CSMD1: variants seen among roughly 807,000 people sequenced by gnomAD.
CSMD1 encodes CUB and sushi domain-containing protein 1.
CSMD1 carries 213 observed loss-of-function variants against 417.5 expected under a neutral mutation model. The observed-to-expected ratio is 0.51, with a 90% CI of 0.46 to 0.57. The LOEUF (loss-of-function observed/expected upper bound fraction) is 0.57, where lower values mean the gene tolerates loss of function less well. Ranked by LOEUF, CSMD1 falls within the 20% of genes least tolerant of loss-of-function variation. The pLI, the probability that CSMD1 is intolerant of heterozygous loss-of-function variation, is 0.00. For synonymous variants in CSMD1, 2,862 were observed against 1,736.8 expected (o/e 1.65, Z -16.11); for missense variants, 6,923 against 4,529.7 (o/e 1.53, Z -15.17).
At chr8:3,575,123 A>C in intron 9 of CSMD1, 57 bp from the exon 10 acceptor site, 1 of 1,561,820 alleles carries the variant, frequency 6.4e-7, no homozygotes, top group Non-Finnish European at 8.7e-7. Context: ...TTTGGTAAAG[A>C]CATAACATTT....
At chr8:3,012,654 T>G (rs1808489399) in intron 52 of CSMD1, among the ~76,000 whole-genome samples, 1 of 152,222 alleles carries the variant, frequency 6.6e-6, no homozygotes, top group Non-Finnish European at 1.5e-5. Context: ...GAAGTTAATC[T>G]AAAGAACCAA....
chr8:3,896,953 G>A (rs559425448), intron 5 of CSMD1, among the ~76,000 whole-genome samples: 65 of 151,738 alleles, frequency 4.3e-4, no homozygotes, highest in Non-Finnish European at 7.8e-4. Context: ...TACCCCTAAT[G>A]AAATCTGCTT....
chr8:3,262,539 G>GA (rs776200645), intron 26 of CSMD1, among the ~76,000 whole-genome samples: 1,918 of 142,088 alleles, frequency 0.013, 19 homozygotes, highest in Non-Finnish European at 0.021. Flanking sequence ...CGGGCCAAAT[G>GA]AAAAAAAAAA....
At chr8:4,060,291 T>A (rs1004432947) in intron 3 of CSMD1, among the ~76,000 whole-genome samples, 5 of 152,140 alleles carry the variant, frequency 3.3e-5, no homozygotes, top group Non-Finnish European at 5.9e-5. Context: ...ATGGGACGTA[T>A]CTCAGAATAA....
At chr8:4,114,522 T>A (rs939847266) in intron 3 of CSMD1, among the ~76,000 whole-genome samples, 3 of 151,168 alleles carry the variant, frequency 2.0e-5, no homozygotes, top group African/African-American at 4.9e-5. Flanking sequence ...AGCCCATGGA[T>A]CAAGGAATAA....
chr8:3,547,560 G>T (rs1430982900), intron 10 of CSMD1, among the ~76,000 whole-genome samples: 1 of 152,076 alleles, frequency 6.6e-6, no homozygotes, highest in African/African-American at 2.4e-5. Context: ...ATACAAAATT[G>T]AGTTTTAGGC....
At chr8:3,628,550 T>C (rs1796606134) in intron 7 of CSMD1, among the ~76,000 whole-genome samples, 1 of 152,154 alleles carries the variant, frequency 6.6e-6, no homozygotes, top group Admixed American at 6.5e-5. Flanking sequence ...CCAGAGCTGG[T>C]TGGATGCCAC....
At chr8:3,458,673 T>C (rs1180370974) in intron 12 of CSMD1, among the ~76,000 whole-genome samples, 4 of 152,338 alleles carry the variant, frequency 2.6e-5, no homozygotes, top group South Asian at 4.1e-4. Context: ...ATAGCAACAA[T>C]GAACACATAT....
At chr8:4,464,762 C>T (rs1800055527) in intron 2 of CSMD1, among the ~76,000 whole-genome samples, 1 of 152,128 alleles carries the variant, frequency 6.6e-6, no homozygotes, top group Admixed American at 6.5e-5. Context: ...AAGGCGAGTC[C>T]TGCTGAGTGG....
chr8:4,570,318 T>A (rs1392873233), intron 2 of CSMD1, among the ~76,000 whole-genome samples: 3 of 152,222 alleles, frequency 2.0e-5, no homozygotes, highest in Admixed American at 2.0e-4. Flanking sequence ...GTTCCGTCAA[T>A]ACCTAGTTTA....
At chr8:3,798,954 G>C (rs1023178826) in intron 5 of CSMD1, among the ~76,000 whole-genome samples, 3 of 151,884 alleles carry the variant, frequency 2.0e-5, no homozygotes, top group African/African-American at 4.8e-5. Context: ...AAACTCTTTA[G>C]TAGATCCATT....
At chr8:3,527,507 G>C (rs1488602845) in intron 10 of CSMD1, among the ~76,000 whole-genome samples, 1 of 152,122 alleles carries the variant, frequency 6.6e-6, no homozygotes, top group East Asian at 1.9e-4. Flanking sequence ...AGGTCTGCCT[G>C]GTGAGGGAGC....
At chr8:4,852,359 G>C (rs1223692652) in intron 1 of CSMD1, among the ~76,000 whole-genome samples, 7 of 152,066 alleles carry the variant, frequency 4.6e-5, no homozygotes. Flanking sequence ...GCAACATCTG[G>C]TTGTTTAAAA....
chr8:3,620,169 G>C (rs1202437947), intron 7 of CSMD1, among the ~76,000 whole-genome samples: 1 of 152,110 alleles, frequency 6.6e-6, no homozygotes, highest in Admixed American at 6.6e-5. Context: ...AAAAATGTCA[G>C]CTGAAAATTC....
intron 23 of CSMD1, among the ~76,000 whole-genome samples, chr8:3,309,627 G>C (rs1018069519): frequency 2.7e-5 from 4 of 149,510 alleles, no homozygotes; most frequent in African/African-American, 9.7e-5. Context: ...AATTGTAAAA[G>C]GGAGAGCTGG....
At chr8:3,499,036 CT>C (rs751540408) in intron 10 of CSMD1, among the ~76,000 whole-genome samples, 44 of 152,092 alleles carry the variant, frequency 2.9e-4, no homozygotes, top group Admixed American at 6.6e-4. Context: ...ATTTTGTTCC[CT>C]TGGGGGTGTC....
At chr8:4,741,175 G>T (rs756629609) in intron 1 of CSMD1, among the ~76,000 whole-genome samples, 1 of 151,864 alleles carries the variant, frequency 6.6e-6, no homozygotes, top group African/African-American at 2.4e-5. Flanking sequence ...AGACACTTAT[G>T]TAAGTGTCAG....
At position 4,688,426 on chromosome 8, in the gene CSMD1, G is replaced by C. The variant is rs117559672; in HGVS notation, c.86-50868C>G. On this transcript the variant is annotated intron_variant, in intron 1 of 69. Transcript: ENST00000635120. ...TCTGACACCTGCTATACCAAACCAA[G>C]AAGGGTGAGCCATCTCCCCGGGTCC... Among the ~76,000 whole-genome samples the C allele has an allele frequency of 4.1e-3, 630 of 152,226 alleles. 4 individuals are homozygous for C. Among genetic ancestry groups the C allele is most frequent in the Admixed American group, 7.1e-3 (109 of 15,296 alleles).
intron 51 of CSMD1, among the ~76,000 whole-genome samples, chr8:3,024,691 A>G (rs1008286727): frequency 1.3e-5 from 2 of 152,196 alleles, no homozygotes; most frequent in African/African-American, 2.4e-5. Context: ...TCACCACCAC[A>G]TTGCCTGTGT....
Sources: gnomAD v4.1 joint callset for allele counts (sites outside exome capture counted in the v4.1 genomes callset) on GRCh38, gnomAD v4.1.1 for gene constraint, MANE v1.5 for transcripts, NCBI Gene and HGNC (gene_info 2026-07-23, HGNC 2026-07-21) for gene names.